Variants in VWC2L observed in about 807,000 individuals in gnomAD.
The protein encoded by VWC2L is von Willebrand factor C domain-containing protein 2-like.
VWC2L carries 10 observed loss-of-function variants against 21.6 expected under a neutral mutation model. That is an observed-to-expected ratio of 0.46 (90% CI 0.29 to 0.78). VWC2L has a LOEUF of 0.78. Among genes scored for constraint, VWC2L ranks in the 30% least tolerant of loss-of-function variants. VWC2L has a pLI of 0.10. For synonymous variants in VWC2L, 96 were observed against 94.3 expected (o/e 1.02, Z -0.10); for missense variants, 209 against 277.1 (o/e 0.75, Z 1.74).
At chr2:214,555,232 T>C (rs772729202) in intron 3 of VWC2L, among the ~76,000 whole-genome samples, 32 of 152,200 alleles carry the variant, frequency 2.1e-4, no homozygotes, top group Admixed American at 7.2e-4. Flanking sequence ...GACTTCAAGT[T>C]GTCCCGCCCT....
chr2:214,417,540 A>T (rs1702375220), intron 2 of VWC2L, among the ~76,000 whole-genome samples: 1 of 152,170 alleles, frequency 6.6e-6, no homozygotes, highest in South Asian at 2.1e-4. Context: ...ATCTGGGAAG[A>T]CTGAAATTCC....
chr2:214,513,337 G>T (rs1442246115), intron 3 of VWC2L, among the ~76,000 whole-genome samples: 1 of 152,002 alleles, frequency 6.6e-6, no homozygotes, highest in African/African-American at 2.4e-5. Flanking sequence ...AATCATGCAA[G>T]CCAGGCAAAT....
At chr2:214,549,957 C>T (rs1689767947) in intron 3 of VWC2L, among the ~76,000 whole-genome samples, 1 of 152,080 alleles carries the variant, frequency 6.6e-6, no homozygotes, top group Non-Finnish European at 1.5e-5. Flanking sequence ...CAGAGATAAA[C>T]ACTGAGCTGG....
At chr2:214,412,547 T>C (rs983066604) in intron 1 of VWC2L, among the ~76,000 whole-genome samples, 1 of 152,090 alleles carries the variant, frequency 6.6e-6, no homozygotes, top group Non-Finnish European at 1.5e-5. Context: ...TGTCATGACT[T>C]ATTATTTTTG....
At chr2:214,552,616 A>G (rs1344859743) in intron 3 of VWC2L, among the ~76,000 whole-genome samples, 6 of 152,166 alleles carry the variant, frequency 3.9e-5, no homozygotes, top group Non-Finnish European at 8.8e-5. Flanking sequence ...TTCTGTAATC[A>G]TTAATTCACA....
chr2:214,547,678 T>C (rs1261825452), intron 3 of VWC2L, among the ~76,000 whole-genome samples: 2 of 152,186 alleles, frequency 1.3e-5, no homozygotes, highest in African/African-American at 4.8e-5. Flanking sequence ...GTGACAGGAT[T>C]CAATAATTGA....
At chr2:214,542,443 G>A (rs1439574489) in intron 3 of VWC2L, among the ~76,000 whole-genome samples, 2 of 152,208 alleles carry the variant, frequency 1.3e-5, no homozygotes, top group Non-Finnish European at 2.9e-5. Context: ...CTAACACGGA[G>A]GTGGGAGCAA....
chr2:214,561,109 C>T (rs1490662075), intron 3 of VWC2L, among the ~76,000 whole-genome samples: 1 of 152,208 alleles, frequency 6.6e-6, no homozygotes, highest in Non-Finnish European at 1.5e-5. Flanking sequence ...CTGCATCAGA[C>T]TTATCTGGAA....
chr2:214,470,569 A>G (rs961207867), intron 3 of VWC2L, among the ~76,000 whole-genome samples: 2 of 152,180 alleles, frequency 1.3e-5, no homozygotes, highest in African/African-American at 2.4e-5. Flanking sequence ...TAATGGCAAC[A>G]TTTACTAAAA....
chr2:214,504,952 C>G (rs1688947120), intron 3 of VWC2L, among the ~76,000 whole-genome samples: 1 of 152,164 alleles, frequency 6.6e-6, no homozygotes, highest in African/African-American at 2.4e-5. Context: ...CCTAAAATCC[C>G]AAAATAAATT....
chr2:214,522,375 A>C (rs1689257033), intron 3 of VWC2L, among the ~76,000 whole-genome samples: 1 of 7,272 alleles, frequency 1.4e-4, no homozygotes, highest in Non-Finnish European at 7.4e-4. Flanking sequence ...ACCCCGTCTC[A>C]AAAAAAAAAA....
chr2:214,420,882 T>C (rs1055264122), intron 2 of VWC2L, among the ~76,000 whole-genome samples: 6 of 152,196 alleles, frequency 3.9e-5, no homozygotes, highest in Non-Finnish European at 7.4e-5. Flanking sequence ...AAAATGGCTT[T>C]GAGTGAGTTA....
chr2:214,539,169 T>C (rs1049685396), intron 3 of VWC2L, among the ~76,000 whole-genome samples: 1 of 152,202 alleles, frequency 6.6e-6, no homozygotes. Context: ...CTGCACTTGA[T>C]TAAGAATGGG....
chr2:214,506,909 T>C (rs928190286), intron 3 of VWC2L, among the ~76,000 whole-genome samples: 1 of 151,912 alleles, frequency 6.6e-6, no homozygotes, highest in Non-Finnish European at 1.5e-5. Flanking sequence ...GAAAGAAGAG[T>C]ACAAATACAT....
chr2:214,440,595 T>C (rs1420617897), intron 3 of VWC2L, among the ~76,000 whole-genome samples: 2 of 152,044 alleles, frequency 1.3e-5, no homozygotes, highest in African/African-American at 4.8e-5. Flanking sequence ...AAACTGACCA[T>C]AAATTTGACT....
intron 2 of VWC2L, 71 bp downstream of exon 2, chr2:214,414,654 A>T: frequency 6.7e-7 from 1 of 1,501,586 alleles, no homozygotes; most frequent in Admixed American, 2.4e-5. Context: ...TTGCTACATT[A>T]AAGTCAGAGT....
intron 3 of VWC2L, among the ~76,000 whole-genome samples, chr2:214,451,303 C>CGG (rs1702949866): frequency 3.0e-5 from 2 of 67,728 alleles, no homozygotes; most frequent in Non-Finnish European, 5.6e-5. Context: ...ATAAGTGGGT[C>CGG]GGTGTGGGGG....
intron 3 of VWC2L, among the ~76,000 whole-genome samples, chr2:214,567,549 CA>C: frequency 1.6e-4 from 1 of 6,400 alleles, no homozygotes; most frequent in African/African-American, 2.1e-4. Flanking sequence ...CATCCACATA[CA>C]CACACACACA....
At chr2:214,541,889 G>A (rs1310484138) in intron 3 of VWC2L, among the ~76,000 whole-genome samples, 1 of 149,310 alleles carries the variant, frequency 6.7e-6, no homozygotes, top group Non-Finnish European at 1.5e-5. Flanking sequence ...TAGAGTTCTG[G>A]GGAAGAGTAA....
Sources: allele counts gnomAD v4.1 joint callset (sites outside exome capture counted in the v4.1 genomes callset), GRCh38; gene constraint gnomAD v4.1.1; transcripts MANE v1.5; gene names NCBI Gene and HGNC (gene_info 2026-07-23, HGNC 2026-07-21).